ZNF362: variants seen among roughly 807,000 people sequenced by gnomAD.
ZNF362 encodes zinc finger protein 362, also known as rotund homolog.
ZNF362 carries 11 observed loss-of-function variants against 42.9 expected under a neutral mutation model. The observed-to-expected ratio is 0.26, with a 90% CI of 0.16 to 0.42. ZNF362 has a LOEUF of 0.42. ZNF362 is among the 20% of genes least tolerant of loss of function. The pLI is 1.00. For synonymous variants in ZNF362, 255 were observed against 257.3 expected, an observed-to-expected ratio of 0.99 and a Z score of 0.09; for missense variants, 362 against 576.2, an observed-to-expected ratio of 0.63 and a Z score of 3.81.
chr1:33,279,154 A>AGCT (rs1367612476), intron 4 of ZNF362, among the ~76,000 whole-genome samples: 1 of 151,926 alleles, frequency 6.6e-6, no homozygotes, highest in African/African-American at 2.4e-5. Flanking sequence ...CCTCCCTAGT[A>AGCT]GCTGGGACTA....
In ZNF362 at chr1:33,281,841, G is replaced by A; in HGVS notation, c.908+30G>A. On this transcript the variant is annotated intron_variant, in intron 6 of 8. Transcript: ENST00000539719. This position sits in a 1 kb window ranked among gnomAD's most constrained non-coding sequence, Gnocchi z 4.8. ...GTGGCCTGCCTGCTGCCCTGCTGCA[G>A]CCCGACTCAGCTCAGCACCCGTGGC... The A allele has an allele frequency of 6.2e-7, 1 of 1,609,480 alleles. No homozygotes were observed. Among genetic ancestry groups the A allele is most frequent in the Non-Finnish European group, 8.5e-7 (1 of 1,176,530 alleles).
chr1:33,182,138 A>C, the ZNF362 span: 1 of 151,704 alleles, frequency 6.6e-6, no homozygotes, highest in Non-Finnish European at 1.5e-5. Context: ...CGGGCGGGGG[A>C]GGGGCGGGGC....
chr1:33,252,870 C>T (rs1312937201), upstream of ZNF362, among the ~76,000 whole-genome samples: 1 of 152,138 alleles, frequency 6.6e-6, no homozygotes, highest in East Asian at 1.9e-4. Flanking sequence ...CTGGAGCTGC[C>T]ATGGAGGGCC....
chr1:33,224,673 C>T, the ZNF362 span, among the ~76,000 whole-genome samples: 2 of 152,116 alleles, frequency 1.3e-5, no homozygotes, highest in Admixed American at 1.3e-4. Context: ...ATGGACATGT[C>T]TAAATTATGT....
chr1:33,206,140 A>T, the ZNF362 span, among the ~76,000 whole-genome samples: 1 of 152,160 alleles, frequency 6.6e-6, no homozygotes, highest in African/African-American at 2.4e-5. Context: ...CATAACTTCA[A>T]ATGTATCATA....
chr1:33,150,161 A>G, the ZNF362 span, among the ~76,000 whole-genome samples: 20 of 152,258 alleles, frequency 1.3e-4, no homozygotes, highest in Admixed American at 1.3e-4. Flanking sequence ...ATTTCCAGGC[A>G]ACAGCAAGAC....
chr1:33,220,895 A>G, the ZNF362 span, among the ~76,000 whole-genome samples: 1 of 152,108 alleles, frequency 6.6e-6, no homozygotes, highest in African/African-American at 2.4e-5. Context: ...AGTTCTTTGA[A>G]TTTGTGGGTT....
chr1:33,156,272 C>T, the ZNF362 span, among the ~76,000 whole-genome samples: 7 of 152,228 alleles, frequency 4.6e-5, no homozygotes, highest in East Asian at 1.9e-4. Flanking sequence ...CTCTCTCCTT[C>T]GCTTGAAAAC....
chr1:33,192,314 A>G, the ZNF362 span, among the ~76,000 whole-genome samples: 3 of 152,146 alleles, frequency 2.0e-5, no homozygotes, highest in Non-Finnish European at 4.4e-5. Context: ...TTGTCCCCCA[A>G]TTCATCCTAG....
the ZNF362 span, among the ~76,000 whole-genome samples, chr1:33,188,085 T>G: frequency 6.6e-6 from 1 of 151,918 alleles, no homozygotes; most frequent in Admixed American, 6.6e-5. Flanking sequence ...AATACAAAAA[T>G]TAGCCGGGGG....
chr1:33,214,393 T>C, the ZNF362 span, among the ~76,000 whole-genome samples: 4 of 152,192 alleles, frequency 2.6e-5, no homozygotes, highest in Non-Finnish European at 5.9e-5. Context: ...GTGAAACTAC[T>C]AAAAGGAAAC....
the ZNF362 span, among the ~76,000 whole-genome samples, chr1:33,138,626 C>CAAAAAAAAAAAAAAA: frequency 7.6e-5 from 5 of 66,006 alleles, no homozygotes; most frequent in Admixed American, 1.7e-4. Context: ...ACAACAACAA[C>CAAAAAAAAAAAAAAA]AAAAAAAAAA....
At chr1:33,157,244 C>T in the ZNF362 span, among the ~76,000 whole-genome samples, 3 of 152,148 alleles carry the variant, frequency 2.0e-5, no homozygotes. Context: ...ACTCATCTCC[C>T]TCCAGCCACG....
chr1:33,135,492 C>T, the ZNF362 span, among the ~76,000 whole-genome samples: 4 of 152,178 alleles, frequency 2.6e-5, no homozygotes, highest in Non-Finnish European at 5.9e-5. Context: ...ACTATTATTT[C>T]GACTCATTTC....
chr1:33,213,372 C>T, the ZNF362 span, among the ~76,000 whole-genome samples: 3 of 152,056 alleles, frequency 2.0e-5, no homozygotes, highest in African/African-American at 7.2e-5. Context: ...AAATTGTTCA[C>T]TTTAAGTATG....
chr1:33,220,797 G>A, the ZNF362 span, among the ~76,000 whole-genome samples: 26,683 of 152,126 alleles, frequency 0.18, 2,696 homozygotes, highest in East Asian at 0.31. Flanking sequence ...TATAATCTGG[G>A]TGAAGCAACC....
the ZNF362 span, among the ~76,000 whole-genome samples, chr1:33,214,089 A>T: frequency 1.3e-5 from 2 of 152,150 alleles, no homozygotes; most frequent in African/African-American, 4.8e-5. Context: ...AAAAGAAGCA[A>T]ATAAAAAGCA....
chr1:33,136,113 C>CCCTCCCTTCCTT, the ZNF362 span, among the ~76,000 whole-genome samples: 4 of 103,512 alleles, frequency 3.9e-5, no homozygotes, highest in African/African-American at 1.6e-4. Context: ...CAGGGGCCAG[C>CCCTCCCTTCCTT]CCTTCCTTCC....
intron 1 of ZNF362, among the ~76,000 whole-genome samples, chr1:33,262,473 AT>A (rs1190730021): frequency 2.6e-5 from 4 of 151,256 alleles, no homozygotes; most frequent in Admixed American, 6.6e-5. Context: ...CGCCCAGCTA[AT>A]TTTTTTGTAT....
Sources: allele counts gnomAD v4.1 joint callset (sites outside exome capture counted in the v4.1 genomes callset), GRCh38; gene constraint gnomAD v4.1.1; non-coding constraint Gnocchi (gnomAD v3.1); transcripts MANE v1.5; gene names NCBI Gene and HGNC (gene_info 2026-07-23, HGNC 2026-07-21).